The following RBFOX2 variants were observed in gnomAD, a reference collection of about 807,000 sequenced individuals.
RBFOX2 encodes RNA binding fox-1 homolog 2, also known as RNA binding protein fox-1 homolog 2.
A neutral mutation model predicts 49.1 loss-of-function variants in RBFOX2; 10 were observed. The observed-to-expected ratio is 0.20, with a 90% confidence interval of 0.13 to 0.35. RBFOX2 has a LOEUF of 0.35. Ranked by LOEUF, RBFOX2 falls within the 10% of genes least tolerant of loss-of-function variation. The probability of loss-of-function intolerance (pLI) is 1.00; values close to 1 mark genes in which losing one functional copy is unlikely to be tolerated. For synonymous variants in RBFOX2, 183 were observed against 187.4 expected (o/e 0.98, Z 0.19); for missense variants, 323 against 486.9 (o/e 0.66, Z 3.17).
intron 1 of RBFOX2, among the ~76,000 whole-genome samples, chr22:35,951,964 T>G (rs1254215685): frequency 6.6e-6 from 1 of 152,228 alleles, no homozygotes; most frequent in Non-Finnish European, 1.5e-5. Flanking sequence ...ATCTGAGAAC[T>G]GAAGATTTCA....
At chr22:35,866,826 C>T (rs1343020722) in intron 1 of RBFOX2, among the ~76,000 whole-genome samples, 2 of 152,214 alleles carry the variant, frequency 1.3e-5, no homozygotes, top group African/African-American at 4.8e-5. Context: ...CACTCCCACT[C>T]ACGCCAGGAA....
At chr22:35,870,482 T>C (rs987563126) in intron 1 of RBFOX2, among the ~76,000 whole-genome samples, 3 of 151,826 alleles carry the variant, frequency 2.0e-5, no homozygotes, top group Admixed American at 6.6e-5. Flanking sequence ...AAAACATAAA[T>C]AAACAAACAA....
At chr22:35,834,602 G>A (rs1957332595) in intron 1 of RBFOX2, among the ~76,000 whole-genome samples, 1 of 152,106 alleles carries the variant, frequency 6.6e-6, no homozygotes, top group African/African-American at 2.4e-5. Context: ...GGGAGAGGTC[G>A]CCCTTGAGAA....
intron 5 of RBFOX2, among the ~76,000 whole-genome samples, chr22:35,766,921 TC>T (rs2146565044): frequency 6.6e-6 from 1 of 150,726 alleles, no homozygotes; most frequent in East Asian, 1.9e-4. Context: ...GGAACAAGGA[TC>T]CGGAAAAAGA....
intron 2 of RBFOX2, among the ~76,000 whole-genome samples, chr22:35,788,756 T>C (rs556097180): frequency 6.6e-6 from 1 of 152,360 alleles, no homozygotes; most frequent in African/African-American, 2.4e-5. Context: ...ACAGTGTCCA[T>C]AGTTATATGC....
rs1259422253 is a variant in RBFOX2, at chr22:35,977,761, T to TATAC, written c.187-38865_187-38864insGTAT. ...ATATATATATATATATATATATATA[T>TATAC]ACATGCACACACACACATATACATA... On this transcript the variant is annotated intron_variant, in intron 1 of 13. Transcript: ENST00000438146. Among the ~76,000 whole-genome samples the TATAC allele has an allele frequency of 6.3e-3, 572 of 90,888 alleles. 14 individuals carry two copies. Among genetic ancestry groups the TATAC allele is most frequent in the East Asian group, 9.6e-3 (27 of 2,808 alleles). 59.6% of individuals were successfully genotyped at this position (90,888 alleles called of 152,430 possible). A position where few individuals can be genotyped will look rare whatever the true frequency, so the allele number is the denominator to read the frequency against.
intron 1 of RBFOX2, among the ~76,000 whole-genome samples, chr22:35,919,759 T>C (rs2050825793): frequency 6.6e-6 from 1 of 152,172 alleles, no homozygotes; most frequent in Admixed American, 6.6e-5. Context: ...GGAAGGAAAT[T>C]TTAATGAGGG....
intron 1 of RBFOX2, among the ~76,000 whole-genome samples, chr22:35,923,625 T>G (rs2051275174): frequency 6.6e-6 from 1 of 152,176 alleles, no homozygotes; most frequent in Non-Finnish European, 1.5e-5. Context: ...AAAGCCAATT[T>G]TATGCCACTT....
chr22:35,959,328 T>G (rs1009786479), intron 1 of RBFOX2, among the ~76,000 whole-genome samples: 6 of 152,182 alleles, frequency 3.9e-5, no homozygotes, highest in Non-Finnish European at 8.8e-5. Flanking sequence ...GTTCTTTCTG[T>G]TACATGTTAC....
intron 1 of RBFOX2, among the ~76,000 whole-genome samples, chr22:35,883,935 T>A (rs1435303628): frequency 6.6e-6 from 1 of 151,408 alleles, no homozygotes; most frequent in African/African-American, 2.4e-5. Flanking sequence ...AGTTTCAAAG[T>A]CACTCCCAGT....
At chr22:35,793,177 GC>G (rs1224453741) in intron 2 of RBFOX2, among the ~76,000 whole-genome samples, 1 of 152,234 alleles carries the variant, frequency 6.6e-6, no homozygotes, top group Non-Finnish European at 1.5e-5. Context: ...TTCGAGACCA[GC>G]CTGGCCAACG....
chr22:35,742,962 G>C (rs2145689832), exon 12 of RBFOX2: 1 of 152,898 alleles, frequency 6.5e-6, no homozygotes, highest in South Asian at 2.1e-4. Flanking sequence ...ACTGTGGATA[G>C]AGAAGTGACT....
chr22:35,904,245 C>T (rs1304094241), intron 1 of RBFOX2, among the ~76,000 whole-genome samples: 1 of 152,122 alleles, frequency 6.6e-6, no homozygotes, highest in Non-Finnish European at 1.5e-5. Context: ...CCCACAAGCC[C>T]GTACTCTCTG....
At chr22:35,806,660 A>T (rs1008605101) in intron 2 of RBFOX2, among the ~76,000 whole-genome samples, 1 of 152,258 alleles carries the variant, frequency 6.6e-6, no homozygotes, top group East Asian at 1.9e-4. Context: ...CAAAGGAACA[A>T]TAAAAGGCAT....
chr22:35,809,497 C>T (rs1278053820), intron 2 of RBFOX2, among the ~76,000 whole-genome samples: 1 of 152,036 alleles, frequency 6.6e-6, no homozygotes, highest in East Asian at 1.9e-4. Context: ...GTTCCAGGAC[C>T]TACATATGGA....
chr22:35,862,743 G>A (rs965193847), intron 1 of RBFOX2, among the ~76,000 whole-genome samples: 5 of 152,108 alleles, frequency 3.3e-5, no homozygotes, highest in African/African-American at 9.7e-5. Flanking sequence ...TAACTTCTTA[G>A]CTGTGTAATT....
chr22:35,945,828 T>C (rs180758436), intron 1 of RBFOX2, among the ~76,000 whole-genome samples: 89 of 152,314 alleles, frequency 5.8e-4, no homozygotes, highest in African/African-American at 1.9e-3. Context: ...TGAAGACTTA[T>C]AAGTGATACG....
intron 2 of RBFOX2, among the ~76,000 whole-genome samples, chr22:35,792,315 CAAAAAAAAAA>C (rs1187704252): frequency 2.7e-5 from 1 of 36,440 alleles, no homozygotes; most frequent in Non-Finnish European, 5.5e-5. Flanking sequence ...AACTCCGTCT[CAAAAAAAAAA>C]AAAAAAAAAG....
chr22:35,922,016 T>C (rs1017730785), intron 1 of RBFOX2, among the ~76,000 whole-genome samples: 2 of 152,120 alleles, frequency 1.3e-5, no homozygotes, highest in Non-Finnish European at 2.9e-5. Context: ...GTTAGAAAAT[T>C]TTCCTAAGCC....
Sources: gnomAD v4.1 joint callset for allele counts (sites outside exome capture counted in the v4.1 genomes callset) on GRCh38, gnomAD v4.1.1 for gene constraint, MANE v1.5 for transcripts, NCBI Gene and HGNC (gene_info 2026-07-23, HGNC 2026-07-21) for gene names.